NPR3: variants seen among roughly 807,000 people sequenced by gnomAD.
The protein encoded by NPR3 is natriuretic peptide receptor 3, also known as atrial natriuretic peptide receptor 3.
NPR3 carries 34 observed loss-of-function variants against 54.5 expected under a neutral mutation model. The ratio of observed to expected loss-of-function variants is 0.62; its 90% CI spans 0.47 to 0.83. The LOEUF is 0.83. Ranked by LOEUF, NPR3 falls within the 40% of genes least tolerant of loss-of-function variation. The pLI, the probability that NPR3 is intolerant of heterozygous loss-of-function variation, is 0.00. For missense variants in NPR3, 674 were observed against 720.8 expected (o/e 0.94, Z 0.74); for synonymous variants, 289 against 297.1 (o/e 0.97, Z 0.28).
chr5:32,713,545 C>A (rs561414909), intron 1 of NPR3: 21 of 870,740 alleles, frequency 2.4e-5, no homozygotes, highest in Non-Finnish European at 2.9e-5. Context: ...CGTCTCTGCT[C>A]CCCCTTGGCG....
intron 1 of NPR3, among the ~76,000 whole-genome samples, chr5:32,692,861 C>T (rs979945154): frequency 1.3e-5 from 2 of 152,158 alleles, no homozygotes; most frequent in Admixed American, 6.5e-5. Flanking sequence ...TGGCTCACGC[C>T]GGTAATCCTA....
chr5:32,787,730 C>T lies in NPR3; in HGVS notation c.*1385C>T, dbSNP rs544482945. ...GTTTTTACTGGGTATCTGCTTTGCA[C>T]CCAGTAGTCTGCAACATGAGTTTAA... On this transcript the variant is annotated 3_prime_UTR_variant, in exon 8 of 8. Coordinates refer to ENST00000265074, the MANE Select transcript of NPR3 (RefSeq NM_001204375.2). 6 of 152,222 alleles carry T rather than the reference C, an allele frequency of 3.9e-5. No individual in the cohort carries two copies. The highest frequency in any genetic ancestry group is 3.9e-4 in the East Asian group (2 of 5,192). The allele number at this position is 152,222 out of a possible 1,614,324, so 9.4% of individuals were successfully genotyped here.
intron 3 of NPR3, among the ~76,000 whole-genome samples, chr5:32,740,725 G>A (rs982588812): frequency 2.6e-5 from 4 of 151,844 alleles, no homozygotes; most frequent in African/African-American, 9.7e-5. Flanking sequence ...TGTATTTCTT[G>A]TACTATGTCT....
Position 32,788,864 on chromosome 5 carries a change from T to C in NPR3, c.*2519T>C, listed in dbSNP as rs1025649052. 4 of 152,358 alleles carry C rather than the reference T, an allele frequency of 2.6e-5. No homozygotes were observed. The South Asian group carries it at 8.3e-4, about 32-fold the overall frequency. 9.4% of individuals were successfully genotyped at this position (152,358 alleles called of 1,614,324 possible). On this transcript the variant is annotated 3_prime_UTR_variant, in exon 8 of 8. Transcript: ENST00000265074. The stretch of plus-strand genomic sequence containing the variant: ...CATGTCAGTCATCTACTTTTTTTCT[T>C]TGAAATCTGCATATGGGTTACAAAA...
At chr5:32,720,948 T>C (rs1009709234) in intron 1 of NPR3, among the ~76,000 whole-genome samples, 1 of 152,222 alleles carries the variant, frequency 6.6e-6, no homozygotes, top group Admixed American at 6.5e-5. Context: ...TTATATAAAT[T>C]GATGAAACAT....
At chr5:32,760,430 A>T (rs1741105666) in intron 3 of NPR3, among the ~76,000 whole-genome samples, 1 of 152,164 alleles carries the variant, frequency 6.6e-6, no homozygotes, top group Non-Finnish European at 1.5e-5. Flanking sequence ...AGTTTAAATT[A>T]TATTCTGATG....
intron 1 of NPR3, among the ~76,000 whole-genome samples, chr5:32,719,784 TGTTG>T (rs1227983811): frequency 5.8e-5 from 6 of 103,826 alleles, no homozygotes; most frequent in African/African-American, 1.6e-4. Flanking sequence ...CCTATGTTGT[TGTTG>T]TTTTTTTTTT....
At chr5:32,773,859 C>A (rs568981275) in intron 3 of NPR3, among the ~76,000 whole-genome samples, 1 of 152,296 alleles carries the variant, frequency 6.6e-6, no homozygotes, top group Admixed American at 6.5e-5. Flanking sequence ...TCTTGCAATT[C>A]CCTCTTGAAG....
At chr5:32,785,825 C>A (rs1742587898) in intron 7 of NPR3, among the ~76,000 whole-genome samples, 1 of 152,212 alleles carries the variant, frequency 6.6e-6, no homozygotes, top group African/African-American at 2.4e-5. Context: ...AGCAAGGTTT[C>A]TTTATTTCTG....
chr5:32,723,638 A>G (rs1012945162), intron 1 of NPR3, among the ~76,000 whole-genome samples: 4 of 152,206 alleles, frequency 2.6e-5, no homozygotes, highest in African/African-American at 9.7e-5. Flanking sequence ...GACAATTTTC[A>G]CTATCTTATA....
At chr5:32,773,277 C>T (rs568891560) in intron 3 of NPR3, among the ~76,000 whole-genome samples, 1 of 152,128 alleles carries the variant, frequency 6.6e-6, no homozygotes, top group South Asian at 2.1e-4. Flanking sequence ...TTTTGTAAAC[C>T]TCTTGGTGTT....
intron 1 of NPR3, among the ~76,000 whole-genome samples, chr5:32,693,060 T>C (rs1483168794): frequency 6.6e-6 from 1 of 151,960 alleles, no homozygotes; most frequent in Non-Finnish European, 1.5e-5. Flanking sequence ...AGGTTGAGGC[T>C]GCAGTGAGCG....
intron 3 of NPR3, among the ~76,000 whole-genome samples, chr5:32,764,806 A>G (rs944557846): frequency 6.8e-6 from 1 of 147,728 alleles, no homozygotes; most frequent in African/African-American, 2.5e-5. Flanking sequence ...AAAAAAAAAA[A>G]AAAAAAAAAA....
At chr5:32,772,643 G>A (rs979298006) in intron 3 of NPR3, among the ~76,000 whole-genome samples, 1 of 152,164 alleles carries the variant, frequency 6.6e-6, no homozygotes, top group East Asian at 1.9e-4. Context: ...CTTTTATTTT[G>A]AATACTGGTG....
intron 3 of NPR3, among the ~76,000 whole-genome samples, chr5:32,752,404 C>A (rs1740625657): frequency 6.6e-6 from 1 of 152,060 alleles, no homozygotes; most frequent in Admixed American, 6.5e-5. Context: ...ATTGTATACT[C>A]CTAGAGAAAA....
At chr5:32,715,515 A>T (rs149027194) in intron 1 of NPR3, among the ~76,000 whole-genome samples, 1 of 152,180 alleles carries the variant, frequency 6.6e-6, no homozygotes, top group African/African-American at 2.4e-5. Flanking sequence ...AGGATTTACC[A>T]TCTAAGTCAA....
intron 6 of NPR3, among the ~76,000 whole-genome samples, chr5:32,784,503 C>T (rs967629141): frequency 6.6e-6 from 1 of 152,152 alleles, no homozygotes; most frequent in African/African-American, 2.4e-5. Context: ...TCTTCAGTTC[C>T]AGTTTTCCTC....
chr5:32,722,349 T>G (rs1738909518), intron 1 of NPR3, among the ~76,000 whole-genome samples: 2 of 152,224 alleles, frequency 1.3e-5, no homozygotes, highest in Admixed American at 6.5e-5. Flanking sequence ...CTTACTTGCA[T>G]CCTACTGCTT....
rs200190868 is a variant in NPR3, at chr5:32,786,207, T to C, written c.1515-27T>C. On this transcript the variant is annotated intron_variant, in intron 7 of 7. Coordinates refer to ENST00000265074, the MANE Select transcript of NPR3 (RefSeq NM_001204375.2). ...ATGGTATTTTGTAGCCAAGTTTTAT[T>C]ACCACATTCACTTTCCCTTTACCCA... The C allele has an allele frequency of 1.0e-4, 93 of 919,946 alleles. No homozygotes were observed. The African/African-American group carries it at 1.4e-3, about 14-fold the overall frequency. The allele number at this position is 919,946 out of a possible 1,614,324, so 57.0% of individuals were successfully genotyped here.
Sources: gnomAD v4.1 joint callset for allele counts (sites outside exome capture counted in the v4.1 genomes callset) on GRCh38, gnomAD v4.1.1 for gene constraint, MANE v1.5 for transcripts, NCBI Gene and HGNC (gene_info 2026-07-23, HGNC 2026-07-21) for gene names.